The following OSBPL1A variants were observed in gnomAD, a reference collection of about 807,000 sequenced individuals.
OSBPL1A encodes oxysterol-binding protein-related protein 1.
A neutral mutation model predicts 137.1 loss-of-function variants in OSBPL1A; 80 were observed. That is an observed-to-expected ratio of 0.58 (90% confidence interval 0.49 to 0.70). The LOEUF is 0.70. Ranked by LOEUF, OSBPL1A falls within the 30% of genes least tolerant of loss-of-function variation. The pLI, the probability that OSBPL1A is intolerant of heterozygous loss-of-function variation, is 0.00. For synonymous variants in OSBPL1A, 365 were observed against 389.7 expected (o/e 0.94, Z 0.75); for missense variants, 970 against 1,129.4 (o/e 0.86, Z 2.02).
At chr18:24,185,270 C>T (rs923082408) in intron 18 of OSBPL1A, among the ~76,000 whole-genome samples, 5 of 151,984 alleles carry the variant, frequency 3.3e-5, no homozygotes, top group Non-Finnish European at 5.9e-5. Context: ...AGAGTGAGCC[C>T]TAGTATAAAC....
intron 17 of OSBPL1A, among the ~76,000 whole-genome samples, chr18:24,202,523 C>A (rs984938905): frequency 4.6e-5 from 7 of 152,078 alleles, no homozygotes; most frequent in Non-Finnish European, 8.8e-5. Context: ...ATAACTTATC[C>A]CAAGTCTAAC....
intron 14 of OSBPL1A, among the ~76,000 whole-genome samples, chr18:24,293,125 A>AAAAGAAAAAAAAAAAG (rs2090214222): frequency 1.2e-5 from 1 of 82,066 alleles, no homozygotes; most frequent in Non-Finnish European, 2.9e-5. Context: ...AAAAAAAAAA[A>AAAAGAAAAAAAAAAAG]AAAGAAAAGA....
chr18:24,178,167 C>T lies in OSBPL1A; in HGVS notation c.1939G>A (p.Glu647Lys), dbSNP rs1450894806. Residue 647 changes from glutamate to lysine, a missense_variant, in exon 21 of 28, where the codon GAA becomes AAA. Glu to Lys is a moderately conservative substitution (Grantham distance 56). Around this residue, in one of 2 missense-constraint regions of OSBPL1A, gnomAD observed 323 missense variants for 456.8 expected, o/e 0.71. Transcript: ENST00000319481. Reference protein sequence around the residue: ...RDDLGFRLISEQVSHHPPISA... With the variant: ...RDDLGFRLISKQVSHHPPISA... The stretch of plus-strand genomic sequence containing the variant: ...ATTGGTGGGTGATGGCTGACCTGTT[C>T]GGAGATGAGTCTAAATCCAAGGTCA... 2.5e-6 allele frequency: 4 copies of T among 1,574,656 alleles called. No individual in the cohort carries two copies. The highest frequency in any genetic ancestry group is 1.4e-5 in the African/African-American group (1 of 69,768).
chr18:24,168,663 A>C (rs2145906162), intron 24 of OSBPL1A, among the ~76,000 whole-genome samples: 1 of 152,298 alleles, frequency 6.6e-6, no homozygotes, highest in South Asian at 2.1e-4. Flanking sequence ...ACATTCAGTG[A>C]ATATACAGTT....
chr18:24,332,544 G>C (rs2091100333), intron 7 of OSBPL1A, among the ~76,000 whole-genome samples: 1 of 146,894 alleles, frequency 6.8e-6, no homozygotes, highest in African/African-American at 2.5e-5. Flanking sequence ...ATGTGAATGA[G>C]TCAACAATAT....
At chr18:24,240,593 T>C (rs780693241) in intron 15 of OSBPL1A, among the ~76,000 whole-genome samples, 1 of 152,194 alleles carries the variant, frequency 6.6e-6, no homozygotes, top group Non-Finnish European at 1.5e-5. Context: ...CACTGGTAGG[T>C]AGCAGCAGCG....
At chr18:24,259,277 C>G (rs1193370272) in intron 15 of OSBPL1A, among the ~76,000 whole-genome samples, 1 of 152,136 alleles carries the variant, frequency 6.6e-6, no homozygotes, top group African/African-American at 2.4e-5. Flanking sequence ...GGAATGGTCC[C>G]TGGAACGTGC....
chr18:24,356,666 A>G (rs938961747), intron 4 of OSBPL1A, among the ~76,000 whole-genome samples: 2 of 152,180 alleles, frequency 1.3e-5, no homozygotes, highest in African/African-American at 4.8e-5. Context: ...ATTGTATAGG[A>G]GCCAAATGGA....
chr18:24,282,550 T>TA (rs2089980899), intron 14 of OSBPL1A, among the ~76,000 whole-genome samples: 1 of 151,984 alleles, frequency 6.6e-6, no homozygotes, highest in Admixed American at 6.6e-5. Flanking sequence ...TCATTAAAAA[T>TA]AAAAAACAAA....
At chr18:24,344,143 T>C (rs78496386) in intron 4 of OSBPL1A, among the ~76,000 whole-genome samples, 23,762 of 152,196 alleles carry the variant, frequency 0.16, 2,344 homozygotes, top group Middle Eastern at 0.23. Context: ...ATAATTTGAA[T>C]AGACATTTCT....
rs373109846 is a variant in OSBPL1A at position 24,169,430 on chromosome 18, A to T, written c.2418+897T>A. ...AATGAGCTCGCAGATGATGCTCAAG[A>T]TGCCAGTCCGAGGAAGTACTTTTGG... On this transcript the variant is annotated intron_variant, in intron 24 of 27. Coordinates refer to ENST00000319481, the MANE Select transcript of OSBPL1A (RefSeq NM_080597.4). Among the ~76,000 whole-genome samples the T allele has an allele frequency of 1.1e-4, 16 of 152,342 alleles. No individual in the cohort carries two copies. In the East Asian group the frequency reaches 1.3e-3, roughly 13 times the overall value.
intron 14 of OSBPL1A, among the ~76,000 whole-genome samples, chr18:24,287,986 G>A (rs2090099418): frequency 6.6e-6 from 1 of 152,104 alleles, no homozygotes; most frequent in Non-Finnish European, 1.5e-5. Flanking sequence ...AACTGTTGTG[G>A]CCTGTACCTT....
intron 12 of OSBPL1A, among the ~76,000 whole-genome samples, chr18:24,313,329 T>TGC (rs2090660066): frequency 2.0e-5 from 3 of 149,880 alleles, no homozygotes; most frequent in African/African-American, 7.4e-5. Context: ...TAATCCCAGC[T>TGC]ACTCAGGAGG....
chr18:24,266,421 G>A (rs1445151322), intron 15 of OSBPL1A, among the ~76,000 whole-genome samples: 1 of 151,894 alleles, frequency 6.6e-6, no homozygotes, highest in African/African-American at 2.4e-5. Context: ...TTGAGCAGAT[G>A]GAAAAATCCT....
intron 21 of OSBPL1A, among the ~76,000 whole-genome samples, chr18:24,175,814 C>T (rs904645692): frequency 2.6e-5 from 4 of 152,106 alleles, no homozygotes; most frequent in African/African-American, 9.7e-5. Context: ...TTGTAAAAGG[C>T]GTGAGGTCTA....
intron 1 of OSBPL1A, among the ~76,000 whole-genome samples, chr18:24,388,800 C>CAAAAAAAAAAAAA (rs57143270): frequency 1.2e-5 from 1 of 82,836 alleles, no homozygotes; most frequent in Non-Finnish European, 2.4e-5. Flanking sequence ...GACTCTGTCT[C>CAAAAAAAAAAAAA]AAAAAAAAAA....
intron 23 of OSBPL1A, 69 bp from the exon 24 acceptor site, chr18:24,170,522 A>G: frequency 6.3e-7 from 1 of 1,590,732 alleles, no homozygotes; most frequent in Non-Finnish European, 8.6e-7. Flanking sequence ...AGCACCTGGT[A>G]TTCCCAGGCG....
intron 17 of OSBPL1A, among the ~76,000 whole-genome samples, chr18:24,209,478 TA>T: frequency 6.6e-6 from 1 of 152,324 alleles, no homozygotes; most frequent in Non-Finnish European, 1.5e-5. Context: ...AACAGTACAG[TA>T]ACATCTTACA....
At chr18:24,355,488 G>A (rs562383035) in intron 4 of OSBPL1A, among the ~76,000 whole-genome samples, 4 of 151,624 alleles carry the variant, frequency 2.6e-5, no homozygotes, top group East Asian at 2.0e-4. Flanking sequence ...GCAACAGGTC[G>A]AGACTCCATC....
Sources: allele counts gnomAD v4.1 joint callset (sites outside exome capture counted in the v4.1 genomes callset), GRCh38; gene constraint gnomAD v4.1.1; regional missense constraint gnomAD v4.1.1; transcripts MANE v1.5; gene names NCBI Gene and HGNC (gene_info 2026-07-23, HGNC 2026-07-21).